The following DIS3L2 variants were observed in gnomAD, a reference collection of about 807,000 sequenced individuals.
The protein encoded by DIS3L2 is DIS3 like 3'-5' exoribonuclease 2.
Under a neutral mutation model 97.5 loss-of-function variants are expected in DIS3L2, and 34 were observed. The observed-to-expected ratio is 0.35, with a 90% CI of 0.27 to 0.46. The LOEUF (loss-of-function observed/expected upper bound fraction) is 0.46, where lower values mean the gene tolerates loss of function less well. Among genes scored for constraint, DIS3L2 ranks in the 20% least tolerant of loss-of-function variants. The probability of loss-of-function intolerance (pLI) is 1.00; values close to 1 mark genes in which losing one functional copy is unlikely to be tolerated. For missense variants in DIS3L2, 1,038 were observed against 1,146.0 expected (o/e 0.91, Z 1.36); for synonymous variants, 435 against 445.2 (o/e 0.98, Z 0.29).
intron 1 of DIS3L2, among the ~76,000 whole-genome samples, chr2:231,973,707 T>C (rs10198678): frequency 0.066 from 10,119 of 152,200 alleles, 1,075 homozygotes; most frequent in African/African-American, 0.23. Flanking sequence ...CTTTAAATCA[T>C]TGGTGATTAT....
chr2:232,235,761 C>T (rs1692915896), intron 10 of DIS3L2, among the ~76,000 whole-genome samples: 1 of 152,188 alleles, frequency 6.6e-6, no homozygotes, highest in Non-Finnish European at 1.5e-5. Context: ...CTTTATTTTA[C>T]CTTCTCTAAG....
At chr2:232,057,674 T>G (rs1225342549) in intron 5 of DIS3L2, among the ~76,000 whole-genome samples, 3 of 152,168 alleles carry the variant, frequency 2.0e-5, no homozygotes, top group Non-Finnish European at 4.4e-5. Flanking sequence ...GACAAACATC[T>G]TGATTACAGC....
intron 9 of DIS3L2, among the ~76,000 whole-genome samples, chr2:232,166,947 G>A (rs1316869356): frequency 5.9e-5 from 9 of 152,078 alleles, no homozygotes; most frequent in African/African-American, 2.2e-4. Context: ...CTTGAACCCA[G>A]GAGGCAGAGG....
In DIS3L2 at chr2:232,325,284, G is replaced by A. The variant is rs1249958334; in HGVS notation, c.1740-4529G>A. On this transcript the variant is annotated intron_variant, in intron 14 of 20. Coordinates refer to ENST00000325385, the MANE Select transcript of DIS3L2 (RefSeq NM_152383.5). The surrounding 1 kb of genome is among the most constrained non-coding windows in gnomAD (Gnocchi z 4.6). ...CCTTCAGGGTGAAGGACGCCCTGTC[G>A]TAAACGCATGAAGAGCCCTGCGTTT... is the stretch of plus-strand genomic sequence containing the variant. Among the ~76,000 whole-genome samples the A allele has an allele frequency of 2.0e-5, 3 of 152,200 alleles. No homozygotes were observed. The highest frequency in any genetic ancestry group is 4.4e-5 in the Non-Finnish European group (3 of 68,032).
chr2:232,111,359 G>A (rs552007360), intron 6 of DIS3L2: 1 of 432,186 alleles, frequency 2.3e-6, no homozygotes, highest in East Asian at 7.2e-5. Context: ...TGTTCATCTA[G>A]TGTTTGCTTC....
In DIS3L2 at chr2:232,082,053, G is replaced by A. The variant is rs1000548834; in HGVS notation, c.367-5434G>A. Among the ~76,000 whole-genome samples, 5 of 152,178 alleles carry A rather than the reference G, an allele frequency of 3.3e-5. No individual in the cohort carries two copies. In the South Asian group the frequency reaches 8.3e-4, roughly 25 times the overall value. Reference sequence around the variant, plus strand: ...GATCCGCCCACCTTGTCCTCCCAAAGTGCTGGGATTGCAAGCATGAGCCAC... The same window carrying A: ...GATCCGCCCACCTTGTCCTCCCAAAATGCTGGGATTGCAAGCATGAGCCAC... On this transcript the variant is annotated intron_variant, in intron 5 of 20. Transcript: ENST00000325385.
intron 13 of DIS3L2, among the ~76,000 whole-genome samples, chr2:232,287,478 C>T (rs1003267952): frequency 5.6e-5 from 8 of 142,882 alleles, no homozygotes; most frequent in African/African-American, 2.1e-4. Flanking sequence ...AGCTCAGTGC[C>T]GCCTCAAATT....
chr2:232,255,439 C>T (rs903981296), intron 12 of DIS3L2, among the ~76,000 whole-genome samples: 1 of 152,200 alleles, frequency 6.6e-6, no homozygotes, highest in African/African-American at 2.4e-5. Flanking sequence ...CTGGAGCAGG[C>T]ATGGTCAGCT....
At chr2:232,283,560 C>G (rs924389786) in intron 13 of DIS3L2, among the ~76,000 whole-genome samples, 2 of 152,182 alleles carry the variant, frequency 1.3e-5, no homozygotes, top group African/African-American at 2.4e-5. Context: ...TGGGCCAGGA[C>G]TAGGCCCAGT....
intron 9 of DIS3L2, among the ~76,000 whole-genome samples, chr2:232,195,496 A>G (rs1358778827): frequency 7.0e-6 from 1 of 142,886 alleles, no homozygotes; most frequent in Non-Finnish European, 1.5e-5. Flanking sequence ...TGGGGATGAA[A>G]TCATAGGGAG....
At position 232,307,405 on chromosome 2, in the gene DIS3L2, T is replaced by G. The variant is rs369696271; in HGVS notation, c.1739+7286T>G. 2.6e-5 allele frequency: 4 copies of G among 152,234 alleles called. No individual in the cohort carries two copies. The South Asian group carries it at 6.2e-4, about 24-fold the overall frequency. The allele number at this position is 152,234 out of a possible 1,614,324, so 9.4% of individuals were successfully genotyped here. ...TACACATGACATCAGGGAAACTGTC[T>G]TCATGGATAGCTGTGAATTCTGAAG... On this transcript the variant is annotated intron_variant, in intron 14 of 20. Coordinates refer to ENST00000325385, the MANE Select transcript of DIS3L2 (RefSeq NM_152383.5).
chr2:232,336,505 C>CA lies in DIS3L2; in HGVS notation c.2534dup (p.Ala846GlyfsTer24), dbSNP rs1559221655. ...CTTCAGCCTGGTGGAGGTGGTCCTG[C>CA]AGGCAGAGTCCACAGCCCTCAAGTA... On this transcript the variant is annotated frameshift_variant, in exon 21 of 21. Transcript: ENST00000325385. LOFTEE classifies it low-confidence loss of function (END_TRUNC). 6.2e-7 allele frequency: 1 copy of CA among 1,611,414 alleles called. No homozygotes were observed. Among genetic ancestry groups the CA allele is most frequent in the African/African-American group, 1.3e-5 (1 of 75,042 alleles).
intron 6 of DIS3L2, among the ~76,000 whole-genome samples, chr2:232,108,634 A>G (rs1697430341): frequency 6.6e-6 from 1 of 152,234 alleles, no homozygotes; most frequent in South Asian, 2.1e-4. Flanking sequence ...ATTGCAGATG[A>G]CATGATTGTA....
intron 13 of DIS3L2, among the ~76,000 whole-genome samples, chr2:232,297,320 T>C (rs934375494): frequency 6.6e-6 from 1 of 152,204 alleles, no homozygotes; most frequent in Non-Finnish European, 1.5e-5. Flanking sequence ...CTCATCTCCC[T>C]TGCATGCCTG....
intron 8 of DIS3L2, among the ~76,000 whole-genome samples, chr2:232,140,091 A>C (rs1698469006): frequency 6.6e-6 from 1 of 152,124 alleles, no homozygotes; most frequent in Non-Finnish European, 1.5e-5. Context: ...GCCATTTCCC[A>C]AGCTGAGTGT....
intron 1 of DIS3L2, among the ~76,000 whole-genome samples, chr2:231,974,203 A>C (rs1407391215): frequency 6.6e-6 from 1 of 152,110 alleles, no homozygotes; most frequent in Non-Finnish European, 1.5e-5. Context: ...CTCTGTGTGC[A>C]CAAGTCTAAG....
At chr2:231,974,517 A>G (rs1033586953) in intron 1 of DIS3L2, among the ~76,000 whole-genome samples, 4 of 131,042 alleles carry the variant, frequency 3.1e-5, no homozygotes, top group Non-Finnish European at 4.9e-5. Context: ...CATGGTTTTT[A>G]TCTCTAGAAG....
At chr2:232,301,480 G>A (rs1011807018) in intron 14 of DIS3L2, among the ~76,000 whole-genome samples, 1 of 152,190 alleles carries the variant, frequency 6.6e-6, no homozygotes, top group Non-Finnish European at 1.5e-5. Context: ...AGAAACCTGG[G>A]CCTTCCTCAA....
intron 1 of DIS3L2, among the ~76,000 whole-genome samples, chr2:232,014,168 C>G (rs1270907142): frequency 6.6e-6 from 1 of 152,210 alleles, no homozygotes; most frequent in African/African-American, 2.4e-5. Flanking sequence ...CCTGCTGATC[C>G]TGGCAGCTGC....
Sources: allele counts gnomAD v4.1 joint callset (sites outside exome capture counted in the v4.1 genomes callset), GRCh38; gene constraint gnomAD v4.1.1; non-coding constraint Gnocchi (gnomAD v3.1); transcripts MANE v1.5; gene names NCBI Gene and HGNC (gene_info 2026-07-23, HGNC 2026-07-21).